AP5Z1: variants seen among roughly 807,000 people sequenced by gnomAD.
The protein encoded by AP5Z1 is AP-5 complex subunit zeta-1.
A neutral mutation model predicts 83.0 loss-of-function variants in AP5Z1; 106 were observed. The ratio of observed to expected loss-of-function variants is 1.28; its 90% CI spans 1.09 to 1.50. AP5Z1 has a LOEUF of 1.50. Ranked by LOEUF, AP5Z1 falls within the 40% of genes most tolerant of loss-of-function variation. The probability of loss-of-function intolerance (pLI) is 0.00; values close to 1 mark genes in which losing one functional copy is unlikely to be tolerated. For missense variants in AP5Z1, 1,565 were observed against 1,094.2 expected (o/e 1.43, Z -6.07); for synonymous variants, 751 against 514.1 (o/e 1.46, Z -6.23).
intron 1 of AP5Z1, among the ~76,000 whole-genome samples, chr7:4,778,869 T>C (rs1173783053): frequency 6.9e-6 from 1 of 145,302 alleles, no homozygotes; most frequent in Non-Finnish European, 1.5e-5. Context: ...ATATTTTATA[T>C]ATAATCAAAA....
chr7:4,788,783 G>T, intron 12 of AP5Z1, 57 bp from the exon 13 acceptor site: 1 of 1,442,072 alleles, frequency 6.9e-7, no homozygotes, highest in South Asian at 1.4e-5. Flanking sequence ...CGTGGCCCCG[G>T]CCTGCAGTCA....
At chr7:4,781,152 C>T in intron 1 of AP5Z1, 23 bp from the exon 2 acceptor site, 3 of 1,611,454 alleles carry the variant, frequency 1.9e-6, no homozygotes, top group East Asian at 2.2e-5. Flanking sequence ...CTTCTGGGTC[C>T]TGAAGTCCTC....
chr7:4,791,653 T>G lies in AP5Z1; in HGVS notation c.*268T>G, dbSNP rs1371193701. 1.9e-6 allele frequency: 1 copy of G among 530,362 alleles called. No homozygotes were observed. Among genetic ancestry groups the G allele is most frequent in the African/African-American group, 1.9e-5 (1 of 52,866 alleles). The allele number at this position is 530,362 out of a possible 1,614,324, so 32.9% of individuals were successfully genotyped here. On this transcript the variant is annotated 3_prime_UTR_variant, in exon 17 of 17. Transcript: ENST00000649063. ...CTCTGATTGGAGGCTTGAGGCCCTG[T>G]GGCTGGGTCGGGTGGAGGCTGCTGG...
chr7:4,787,767 T>C lies in AP5Z1; in HGVS notation c.1445T>C (p.Leu482Pro). ...DLPCLTAVLDLQLRSAPAASE... is the reference protein window; with the variant it reads ...DLPCLTAVLDPQLRSAPAASE... ...CCCTGCTTGACGGCGGTGCTGGACC[T>C]GCAGCTCAGGTGGGCCCCTCACCCT... Residue 482 changes from leucine to proline, a missense_variant, in exon 11 of 17, where the codon CTG becomes CCG. Physicochemically the swap from Leu to Pro is moderately conservative, Grantham distance 98. Coordinates refer to ENST00000649063, the MANE Select transcript of AP5Z1 (RefSeq NM_014855.3). 1 of 1,536,672 alleles carries C rather than the reference T, an allele frequency of 6.5e-7. No homozygotes were observed. The highest frequency in any genetic ancestry group is 8.7e-7 in the Non-Finnish European group (1 of 1,145,082).
chr7:4,778,371 G>A (rs1383727847), intron 1 of AP5Z1, among the ~76,000 whole-genome samples: 2 of 152,168 alleles, frequency 1.3e-5, no homozygotes, highest in Non-Finnish European at 2.9e-5. Flanking sequence ...TAAAGGATGG[G>A]GGCATGGAGG....
chr7:4,788,965 C>T lies in AP5Z1; in HGVS notation c.1707+14C>T, dbSNP rs759055397. ...GCAGTGACCCAGGTGAGCTCGCTGC[C>T]TGGGGCCCCCCATTCCCACAGGCCT... On this transcript the variant is annotated intron_variant, in intron 13 of 16. Transcript: ENST00000649063. 2.8e-5 allele frequency: 45 copies of T among 1,604,900 alleles called. No individual in the cohort carries two copies. Among genetic ancestry groups the T allele is most frequent in the Non-Finnish European group, 2.9e-5 (34 of 1,176,836 alleles).
chr7:4,790,444 C>G lies in AP5Z1; in HGVS notation c.1806-15C>G, dbSNP rs201620155. 1.2e-6 allele frequency: 2 copies of G among 1,612,832 alleles called. No individual in the cohort carries two copies. The highest frequency in any genetic ancestry group is 1.1e-5 in the South Asian group (1 of 91,062). On this transcript the variant is annotated splice_polypyrimidine_tract_variant and intron_variant, in intron 14 of 16. Transcript: ENST00000649063. ...GGTCTGCACAGAGCAGGCGTAGACC[C>G]GGCTTTCTGGGCAGTGTGCTGAGTT... is the stretch of plus-strand genomic sequence containing the variant.
Position 4,783,735 on chromosome 7 carries a change from C to T in AP5Z1, c.558C>T (p.Tyr186=), listed in dbSNP as rs371534878. Residue 186 remains tyrosine (Y), a synonymous_variant, in exon 5 of 17, where the codon TAC becomes TAT. Transcript: ENST00000649063. ...AGCGGCTGGTCGACTGGCTGCGCTACGCCAGCCTCCAGCAAGGGCTCCCAC... is the reference window on the plus strand; with the variant it reads ...AGCGGCTGGTCGACTGGCTGCGCTATGCCAGCCTCCAGCAAGGGCTCCCAC... ...LSKRLVDWLR[Y]ASLQQGLPHS... is the part of the protein sequence containing the mutation. The T allele has an allele frequency of 1.0e-3, 1,612 of 1,550,636 alleles. 3 individuals are homozygous for T. The highest frequency in any genetic ancestry group is 1.2e-3 in the Non-Finnish European group (1,415 of 1,147,102).
At position 4,792,351 on chromosome 7, in the gene AP5Z1, T is replaced by G. The variant is rs1314985048; in HGVS notation, c.*966T>G. ...CCGCCCCCGGTCTCCTCTTTTGCTC[T>G]GGCCCCGCCCACCTCCCCTCCGGCC... is the stretch of plus-strand genomic sequence containing the variant. On this transcript the variant is annotated 3_prime_UTR_variant, in exon 17 of 17. Coordinates refer to ENST00000649063, the MANE Select transcript of AP5Z1 (RefSeq NM_014855.3). 2 of 149,830 alleles carry G rather than the reference T, an allele frequency of 1.3e-5. No individual in the cohort carries two copies. Among genetic ancestry groups the G allele is most frequent in the African/African-American group, 5.0e-5 (2 of 40,356 alleles). 9.3% of individuals were successfully genotyped at this position (149,830 alleles called of 1,614,324 possible).
Position 4,781,735 on chromosome 7 carries a change from C to A in AP5Z1, c.347C>A (p.Ala116Asp). ...TQNSRQLSLV[A>D]SVLLAQGDRN... is the part of the protein sequence containing the mutation. ...AACAGCCGGCAGCTGAGCCTGGTGG[C>A]CTCCGTTCTCTTGGCCCAGGTAGCG... is the stretch of plus-strand genomic sequence containing the variant. The change falls in exon 3 of 17, where the codon GCC becomes GAC. Residue 116 changes from alanine to aspartate, a missense_variant. Coordinates refer to ENST00000649063, the MANE Select transcript of AP5Z1 (RefSeq NM_014855.3). 6 of 1,572,840 alleles carry A rather than the reference C, an allele frequency of 3.8e-6. No individual in the cohort carries two copies. Among genetic ancestry groups the A allele is most frequent in the Non-Finnish European group, 4.3e-6 (5 of 1,150,220 alleles).
chr7:4,784,295 G>C lies in AP5Z1; in HGVS notation c.714G>C (p.Leu238=). ...ACCGCTTCACAGACGACCAGTGGCT[G>C]AACGTGCAGGCCTTCTCTATGCTGC... ...SGHRFTDDQW[L]NVQAFSMLRA... is the part of the protein sequence containing the mutation. Residue 238 remains leucine, a synonymous_variant, in exon 6 of 17, where the codon CTG becomes CTC. Coordinates refer to ENST00000649063, the MANE Select transcript of AP5Z1 (RefSeq NM_014855.3). 6.2e-7 allele frequency: 1 copy of C among 1,602,328 alleles called. No individual in the cohort carries two copies. The highest frequency in any genetic ancestry group is 8.5e-7 in the Non-Finnish European group (1 of 1,175,452).
rs1400648387 is a variant in AP5Z1, at chr7:4,789,150, C to T, written c.1707+199C>T. On this transcript the variant is annotated intron_variant, in intron 13 of 16. Transcript: ENST00000649063. ...GTCCCTTGTCCCATCCCCTTTATTC[C>T]AGCAGGCCCCGTTCCCCAGTCCCCG... The T allele has an allele frequency of 1.3e-5, 7 of 538,954 alleles. No homozygotes were observed. In the African/African-American group the frequency reaches 1.4e-4, roughly 11 times the overall value. The allele number at this position is 538,954 out of a possible 1,614,324, so 33.4% of individuals were successfully genotyped here.
At position 4,784,930 on chromosome 7, in the gene AP5Z1, C is replaced by T. The variant is rs1215859782; in HGVS notation, c.813C>T (p.Gly271=). 6 of 1,611,838 alleles carry T rather than the reference C, an allele frequency of 3.7e-6. No individual in the cohort carries two copies. Among genetic ancestry groups the T allele is most frequent in the East Asian group, 2.2e-5 (1 of 44,848 alleles). The change falls in exon 7 of 17, where the codon GGC becomes GGT. Residue 271 remains glycine (G), a synonymous_variant. Coordinates refer to ENST00000649063, the MANE Select transcript of AP5Z1 (RefSeq NM_014855.3). ...CAGATGACAGGTCAGAGCAGGAGGGCTCCACTCTGTCGGTGATCTCCGCCA... is the reference window on the plus strand; with the variant it reads ...CAGATGACAGGTCAGAGCAGGAGGGTTCCACTCTGTCGGTGATCTCCGCCA... ...LDTDDRSEQE[G]STLSVISATS...
chr7:4,779,298 CAT>C (rs1348584700), intron 1 of AP5Z1, among the ~76,000 whole-genome samples: 116 of 142,370 alleles, frequency 8.1e-4, no homozygotes, highest in Non-Finnish European at 9.0e-4. Flanking sequence ...CATATAACAA[CAT>C]ATATAACGTA....
intron 1 of AP5Z1, among the ~76,000 whole-genome samples, 186 bp downstream of exon 1, chr7:4,775,942 G>C (rs1172748303): frequency 2.0e-5 from 3 of 152,208 alleles, no homozygotes; most frequent in African/African-American, 7.2e-5. Context: ...GTCGGGGAGG[G>C]TCATGGTGGG....
intron 1 of AP5Z1, 60 bp downstream of exon 1, chr7:4,775,816 G>A (rs1781209524): frequency 6.9e-6 from 11 of 1,582,798 alleles, no homozygotes; most frequent in Non-Finnish European, 9.4e-6. Flanking sequence ...GGCACACGGG[G>A]GTGGGTCTCA....
intron 1 of AP5Z1, among the ~76,000 whole-genome samples, chr7:4,780,781 T>G (rs528108388): frequency 6.6e-6 from 1 of 152,162 alleles, no homozygotes; most frequent in African/African-American, 2.4e-5. Context: ...AAAAAAAAAT[T>G]TATTCTTGTT....
intron 7 of AP5Z1, 94 bp from the exon 8 acceptor site, chr7:4,785,321 G>C: frequency 6.7e-7 from 1 of 1,502,870 alleles, no homozygotes; most frequent in Non-Finnish European, 8.9e-7. Flanking sequence ...CCCTGCTCCC[G>C]GTCCTGCCTG....
Position 4,784,383 on chromosome 7 carries a change from G to T in AP5Z1, c.790+12G>T, listed in dbSNP as rs77790584. ...CACCCTGGACACAGGTGTGCGGGGT[G>T]GGGGGATGACGTCAGACAGGGGTGG... On this transcript the variant is annotated intron_variant, in intron 6 of 16. Coordinates refer to ENST00000649063, the MANE Select transcript of AP5Z1 (RefSeq NM_014855.3). The T allele has an allele frequency of 1.9e-6, 3 of 1,586,070 alleles. No individual in the cohort carries two copies. Among genetic ancestry groups the T allele is most frequent in the Admixed American group, 1.8e-5 (1 of 56,752 alleles).
Sources: gnomAD v4.1 joint callset for allele counts (sites outside exome capture counted in the v4.1 genomes callset) on GRCh38, gnomAD v4.1.1 for gene constraint, MANE v1.5 for transcripts, NCBI Gene and HGNC (gene_info 2026-07-23, HGNC 2026-07-21) for gene names.